The following MSH4 variants were observed in gnomAD, a reference collection of about 807,000 sequenced individuals.
MSH4 encodes the protein mutS protein homolog 4.
In MSH4, 106 loss-of-function variants were observed where a neutral mutation model predicts 113.7. That is an observed-to-expected ratio of 0.93 (90% confidence interval 0.80 to 1.10). The LOEUF (loss-of-function observed/expected upper bound fraction) is 1.10, where lower values mean the gene tolerates loss of function less well. Among genes scored for constraint, MSH4 ranks in the 50% least tolerant of loss-of-function variants. The probability of loss-of-function intolerance (pLI) is 0.00; values close to 1 mark genes in which losing one functional copy is unlikely to be tolerated. For missense variants in MSH4, 1,061 were observed against 1,093.7 expected (o/e 0.97, Z 0.42); for synonymous variants, 368 against 380.2 (o/e 0.97, Z 0.37).
At chr1:75,805,532 C>A (rs943734726) in intron 2 of MSH4, among the ~76,000 whole-genome samples, 1 of 144,226 alleles carries the variant, frequency 6.9e-6, no homozygotes, top group African/African-American at 2.6e-5. Context: ...GGATTACAGG[C>A]ATGCATCACC....
At chr1:75,892,396 TTCTC>T (rs1393825645) in intron 17 of MSH4, among the ~76,000 whole-genome samples, 1 of 124,608 alleles carries the variant, frequency 8.0e-6, no homozygotes, top group Non-Finnish European at 1.8e-5. Flanking sequence ...CTCTCTCTCT[TTCTC>T]TCTCTCACTC....
intron 4 of MSH4, among the ~76,000 whole-genome samples, chr1:75,812,653 C>T (rs1405676710): frequency 6.6e-6 from 1 of 152,126 alleles, no homozygotes; most frequent in Admixed American, 6.5e-5. Flanking sequence ...GAGATTGTGC[C>T]ATTGCACTGC....
intron 12 of MSH4, 95 bp from the exon 13 acceptor site, chr1:75,879,955 G>T (rs2307077): frequency 0.61 from 394,282 of 646,534 alleles, 122,407 homozygotes; most frequent in South Asian, 0.71. Flanking sequence ...AGAGTAAAAT[G>T]ATTAACCTAA....
rs560692946 is a variant in MSH4 at position 75,816,189 on chromosome 1, A to G, written c.816-184A>G. ...TTGAAATTAATACTTGAAATTATTTATTTTCATTCATTTTTATGATTTAGA... is the reference window on the plus strand; with the variant it reads ...TTGAAATTAATACTTGAAATTATTTGTTTTCATTCATTTTTATGATTTAGA... On this transcript the variant is annotated intron_variant, in intron 5 of 19. Coordinates refer to ENST00000263187, the MANE Select transcript of MSH4 (RefSeq NM_002440.4). 2.3e-4 allele frequency among the ~76,000 whole-genome samples: 35 copies of G among 152,236 alleles called. No homozygotes were observed. In the South Asian group the frequency reaches 7.0e-3, roughly 31 times the overall value.
At chr1:75,907,684 C>CTCTCTATATATATATATATA (rs1307238647) in intron 19 of MSH4, among the ~76,000 whole-genome samples, 51 of 46,464 alleles carry the variant, frequency 1.1e-3, no homozygotes, top group Middle Eastern at 0.011. Context: ...CTCTCTCTCT[C>CTCTCTATATATATATATATA]TATACATATA....
chr1:75,869,662 C>A (rs972995225), intron 9 of MSH4, among the ~76,000 whole-genome samples: 3 of 152,148 alleles, frequency 2.0e-5, no homozygotes, highest in Non-Finnish European at 4.4e-5. Flanking sequence ...AGGCCTCAAG[C>A]CTTGGCAGCC....
At chr1:75,850,865 A>G (rs1202944236) in intron 8 of MSH4, among the ~76,000 whole-genome samples, 1 of 152,016 alleles carries the variant, frequency 6.6e-6, no homozygotes, top group Non-Finnish European at 1.5e-5. Flanking sequence ...AATCTTTGTT[A>G]TTAGATTCAT....
intron 9 of MSH4, among the ~76,000 whole-genome samples, chr1:75,868,450 T>C (rs570348107): frequency 6.6e-6 from 1 of 152,358 alleles, no homozygotes; most frequent in East Asian, 1.9e-4. Flanking sequence ...ATTTTCTCAT[T>C]AACTTTTAAA....
chr1:75,800,400 G>C (rs1369578745), intron 1 of MSH4, among the ~76,000 whole-genome samples: 1 of 152,164 alleles, frequency 6.6e-6, no homozygotes, highest in African/African-American at 2.4e-5. Context: ...CATAGGAATT[G>C]TAAGAAAGAG....
At chr1:75,855,786 A>G (rs981958703) in intron 8 of MSH4, among the ~76,000 whole-genome samples, 11 of 152,346 alleles carry the variant, frequency 7.2e-5, no homozygotes, top group Admixed American at 4.6e-4. Flanking sequence ...TCCAAATAAG[A>G]TCACATTTTG....
rs144343966 is a variant in MSH4, at chr1:75,809,781, G to A, written c.589-916G>A. ...TCAGCCTGCCTCAGCCTCCCAAGTA[G>A]CTGGGATTACATGTGCACACCACCA... On this transcript the variant is annotated intron_variant, in intron 3 of 19. Coordinates refer to ENST00000263187, the MANE Select transcript of MSH4 (RefSeq NM_002440.4). Among the ~76,000 whole-genome samples, 960 of 152,032 alleles carry A rather than the reference G, an allele frequency of 6.3e-3. 16 individuals are homozygous for A. The highest frequency in any genetic ancestry group is 0.035 in the Admixed American group (538 of 15,238).
At chr1:75,803,106 A>C (rs1649975562) in intron 1 of MSH4, among the ~76,000 whole-genome samples, 1 of 152,162 alleles carries the variant, frequency 6.6e-6, no homozygotes, top group South Asian at 2.1e-4. Context: ...ATTAAATTTC[A>C]ATGTAAGTTT....
At chr1:75,855,301 G>A (rs1381479832) in intron 8 of MSH4, among the ~76,000 whole-genome samples, 2 of 152,144 alleles carry the variant, frequency 1.3e-5, no homozygotes, top group African/African-American at 4.8e-5. Flanking sequence ...GCCTCCTGAA[G>A]TGCTGAGTTT....
At chr1:75,849,932 G>T (rs1651151662) in intron 8 of MSH4, among the ~76,000 whole-genome samples, 1 of 152,024 alleles carries the variant, frequency 6.6e-6, no homozygotes, top group African/African-American at 2.4e-5. Context: ...GTCTTTTAAA[G>T]AATTTTTCAT....
intron 6 of MSH4, among the ~76,000 whole-genome samples, chr1:75,820,178 T>C (rs549535050): frequency 3.9e-5 from 6 of 152,342 alleles, no homozygotes; most frequent in African/African-American, 1.2e-4. Flanking sequence ...CTATTATGGA[T>C]GGAATAAATA....
At chr1:75,814,947 T>A in intron 4 of MSH4, 74 bp from the exon 5 acceptor site, 1 of 755,772 alleles carries the variant, frequency 1.3e-6, no homozygotes, top group South Asian at 1.6e-5. Flanking sequence ...TTACCTAGCA[T>A]GTGTTTAAGA....
chr1:75,874,044 T>G (rs1166383601), intron 9 of MSH4, among the ~76,000 whole-genome samples: 1 of 152,204 alleles, frequency 6.6e-6, no homozygotes, highest in Admixed American at 6.5e-5. Flanking sequence ...ACACCAACAG[T>G]GTATAAATGT....
At chr1:75,860,733 A>G (rs1366608499) in intron 8 of MSH4, among the ~76,000 whole-genome samples, 2 of 151,962 alleles carry the variant, frequency 1.3e-5, no homozygotes, top group African/African-American at 4.8e-5. Flanking sequence ...TCTGCCAATT[A>G]TGTGTCTTGG....
At chr1:75,900,135 G>T (rs1330456134) in intron 19 of MSH4, among the ~76,000 whole-genome samples, 2 of 151,934 alleles carry the variant, frequency 1.3e-5, no homozygotes, top group African/African-American at 4.8e-5. Flanking sequence ...GGTCTTTATA[G>T]TAAAAGATTA....
Sources: gnomAD v4.1 joint callset for allele counts (sites outside exome capture counted in the v4.1 genomes callset) on GRCh38, gnomAD v4.1.1 for gene constraint, MANE v1.5 for transcripts, NCBI Gene and HGNC (gene_info 2026-07-23, HGNC 2026-07-21) for gene names.